Variants in A1CF observed in about 807,000 individuals in gnomAD.
A1CF encodes the protein APOBEC1 complementation factor.
A neutral mutation model predicts 68.9 loss-of-function variants in A1CF; 48 were observed. The observed-to-expected ratio is 0.70, with a 90% CI of 0.55 to 0.89. The LOEUF (loss-of-function observed/expected upper bound fraction) is 0.89. Among genes scored for constraint, A1CF ranks in the 40% least tolerant of loss-of-function variants. The pLI is 0.00. For missense variants in A1CF, 653 were observed against 718.9 expected, an observed-to-expected ratio of 0.91 and a Z score of 1.05; for synonymous variants, 272 against 260.4, an observed-to-expected ratio of 1.04 and a Z score of -0.43.
intron 1 of A1CF, among the ~76,000 whole-genome samples, chr10:50,873,352 A>C (rs1841363258): frequency 6.6e-6 from 1 of 152,108 alleles, no homozygotes; most frequent in Admixed American, 6.6e-5. Flanking sequence ...TATAGACCAA[A>C]TATCTCATGA....
intron 10 of A1CF, among the ~76,000 whole-genome samples, chr10:50,812,807 G>A (rs543323696): frequency 1.3e-5 from 2 of 152,258 alleles, no homozygotes; most frequent in African/African-American, 4.8e-5. Flanking sequence ...GCACTACATG[G>A]TGCATAAGAG....
Position 50,804,406 on chromosome 10 carries a change from C to G in A1CF, c.*2323G>C, listed in dbSNP as rs768537980. The G allele has an allele frequency of 6.6e-6, 1 of 152,140 alleles. No homozygotes were observed. Among genetic ancestry groups the G allele is most frequent in the African/African-American group, 2.4e-5 (1 of 41,438 alleles). The allele number at this position is 152,140 out of a possible 1,614,324, so 9.4% of individuals were successfully genotyped here. ...CTAAATCAAACCTAATTTGCATTGA[C>G]AAGACATCCAGAATACCCTTTGCTG... On this transcript the variant is annotated 3_prime_UTR_variant, in exon 13 of 13. Transcript: ENST00000373997.
intron 7 of A1CF, 62 bp downstream of exon 7, chr10:50,828,069 C>T: frequency 4.6e-6 from 6 of 1,304,002 alleles, no homozygotes; most frequent in Non-Finnish European, 6.2e-6. Flanking sequence ...CACATACACC[C>T]TCCCAAGACT....
chr10:50,842,488 G>C (rs1839826764), intron 4 of A1CF, among the ~76,000 whole-genome samples: 1 of 152,156 alleles, frequency 6.6e-6, no homozygotes, highest in African/African-American at 2.4e-5. Flanking sequence ...GCACGTGCTT[G>C]TAGTCCCAGC....
intron 1 of A1CF, among the ~76,000 whole-genome samples, chr10:50,870,628 A>G (rs746820124): frequency 6.6e-6 from 1 of 151,870 alleles, no homozygotes; most frequent in Non-Finnish European, 1.5e-5. Context: ...TATATTGAAA[A>G]CATTCAATGT....
intron 6 of A1CF, among the ~76,000 whole-genome samples, chr10:50,830,748 C>G: frequency 6.6e-6 from 1 of 152,052 alleles, no homozygotes; most frequent in East Asian, 1.9e-4. Context: ...ATGTTTTTCA[C>G]AGAAATAGAA....
chr10:50,882,035 C>A (rs145398009), intron 1 of A1CF, among the ~76,000 whole-genome samples: 1 of 152,032 alleles, frequency 6.6e-6, no homozygotes, highest in East Asian at 1.9e-4. Flanking sequence ...TTATACAGGA[C>A]GATGATTTTT....
chr10:50,819,552 C>T (rs947408039), intron 8 of A1CF, among the ~76,000 whole-genome samples: 4 of 152,124 alleles, frequency 2.6e-5, no homozygotes, highest in Non-Finnish European at 4.4e-5. Flanking sequence ...TTTTGATTTC[C>T]CTAGTCCCCA....
intron 6 of A1CF, among the ~76,000 whole-genome samples, chr10:50,832,114 C>T (rs192893500): frequency 1.3e-5 from 2 of 152,236 alleles, no homozygotes; most frequent in East Asian, 3.9e-4. Flanking sequence ...TCCTGCATTC[C>T]CATGTTTATT....
intron 7 of A1CF, among the ~76,000 whole-genome samples, chr10:50,825,305 A>T (rs940187454): frequency 6.6e-6 from 1 of 152,128 alleles, no homozygotes; most frequent in African/African-American, 2.4e-5. Flanking sequence ...TATTACTACT[A>T]TGATAACCCT....
At chr10:50,852,408 A>G (rs1840289037) in intron 3 of A1CF, among the ~76,000 whole-genome samples, 1 of 152,124 alleles carries the variant, frequency 6.6e-6, no homozygotes, top group Non-Finnish European at 1.5e-5. Flanking sequence ...CTTTCACACC[A>G]CGCTATGGCA....
rs909036936 is a variant in A1CF at position 50,799,737 on chromosome 10, C to G, written c.*6992G>C. On this transcript the variant is annotated 3_prime_UTR_variant, in exon 13 of 13. Coordinates refer to ENST00000373997, the MANE Select transcript of A1CF (RefSeq NM_014576.4). ...AACTTCACATAAATAAAAATAATAA[C>G]AAAAAAGAAAAGAAGAAAGAGATTG... is the stretch of plus-strand genomic sequence containing the variant. The G allele has an allele frequency of 2.0e-5, 3 of 151,592 alleles. No individual in the cohort carries two copies. Among genetic ancestry groups the G allele is most frequent in the Admixed American group, 6.6e-5 (1 of 15,214 alleles). 9.4% of individuals were successfully genotyped at this position (151,592 alleles called of 1,614,324 possible). A position where few individuals can be genotyped will look rare whatever the true frequency, so the allele number is the denominator to read the frequency against.
chr10:50,836,868 C>T (rs1246491445), intron 5 of A1CF, among the ~76,000 whole-genome samples: 1 of 151,998 alleles, frequency 6.6e-6, no homozygotes, highest in Non-Finnish European at 1.5e-5. Flanking sequence ...AGGACATGAA[C>T]TCATCCTTTT....
intron 5 of A1CF, among the ~76,000 whole-genome samples, chr10:50,840,979 A>G (rs904889715): frequency 6.6e-6 from 1 of 152,042 alleles, no homozygotes; most frequent in Non-Finnish European, 1.5e-5. Context: ...ACCCTTTCTT[A>G]TCTTGTCCAC....
In A1CF at chr10:50,802,754, A is replaced by G. The variant is rs1046209099; in HGVS notation, c.*3975T>C. ...TAGAATGCAATGAAAATTTACCCCGAATATTAACTTGATTGCCCTTTATTC... is the reference window on the plus strand; with the variant it reads ...TAGAATGCAATGAAAATTTACCCCGGATATTAACTTGATTGCCCTTTATTC... On this transcript the variant is annotated 3_prime_UTR_variant, in exon 13 of 13. Transcript: ENST00000373997. 8 of 152,188 alleles carry G rather than the reference A, an allele frequency of 5.3e-5. No individual in the cohort carries two copies. The highest frequency in any genetic ancestry group is 1.9e-4 in the African/African-American group (8 of 41,446). 9.4% of individuals were successfully genotyped at this position (152,188 alleles called of 1,614,324 possible).
chr10:50,836,180 G>T lies in A1CF; in HGVS notation c.498C>A (p.Val166=). Residue 166 remains valine, a synonymous_variant, in exon 6 of 13, where the codon GTC becomes GTA. Transcript: ENST00000373997. Reference sequence around the variant, plus strand: ...TATCTGCAGCGCTTGGGTAGACGATGACATCGACAACACCTTCAGTAACCT... The same window carrying T: ...TATCTGCAGCGCTTGGGTAGACGATTACATCGACAACACCTTCAGTAACCT... ...MKKVTEGVVD[V]IVYPSAADKT... The T allele has an allele frequency of 6.2e-7, 1 of 1,613,984 alleles. No homozygotes were observed. Among genetic ancestry groups the T allele is most frequent in the Non-Finnish European group, 8.5e-7 (1 of 1,179,898 alleles).
intron 5 of A1CF, among the ~76,000 whole-genome samples, chr10:50,836,935 A>G (rs997139112): frequency 4.0e-5 from 6 of 151,874 alleles, no homozygotes; most frequent in African/African-American, 1.5e-4. Flanking sequence ...AGAGTTGTCA[A>G]TCCTCACCGC....
intron 7 of A1CF, among the ~76,000 whole-genome samples, chr10:50,822,063 T>C (rs1304329982): frequency 1.3e-5 from 2 of 152,214 alleles, no homozygotes; most frequent in Admixed American, 6.5e-5. Flanking sequence ...AATTGATATA[T>C]TTGGTATTTT....
intron 3 of A1CF, among the ~76,000 whole-genome samples, chr10:50,849,786 C>T (rs867675198): frequency 3.3e-3 from 273 of 83,410 alleles, no homozygotes; most frequent in Middle Eastern, 0.013. Context: ...TTAATGAATT[C>T]TTTTTTTTTT....
Sources: allele counts gnomAD v4.1 joint callset (sites outside exome capture counted in the v4.1 genomes callset), GRCh38; gene constraint gnomAD v4.1.1; transcripts MANE v1.5; gene names NCBI Gene and HGNC (gene_info 2026-07-23, HGNC 2026-07-21).